LCOR: variants seen among roughly 807,000 people sequenced by gnomAD.
LCOR encodes ligand-dependent corepressor.
In LCOR, 14 loss-of-function variants were observed where a neutral mutation model predicts 64.4. That is an observed-to-expected ratio of 0.22 (90% CI 0.14 to 0.34). The LOEUF (loss-of-function observed/expected upper bound fraction) is 0.34, where lower values mean the gene tolerates loss of function less well. Among genes scored for constraint, LCOR ranks in the 10% least tolerant of loss-of-function variants. LCOR has a pLI of 1.00. For synonymous variants in LCOR, 643 were observed against 642.5 expected, an observed-to-expected ratio of 1.00 and a Z score of -0.01; for missense variants, 1,686 against 1,765.3, an observed-to-expected ratio of 0.96 and a Z score of 0.80.
At chr10:96,899,426 T>A (rs1047746000) in intron 2 of LCOR, among the ~76,000 whole-genome samples, 4 of 152,152 alleles carry the variant, frequency 2.6e-5, no homozygotes, top group African/African-American at 9.6e-5. Context: ...ATTTAAAAAA[T>A]AATATTCTTG....
chr10:96,933,585 A>G (rs1158964191), intron 4 of LCOR, among the ~76,000 whole-genome samples: 1 of 152,164 alleles, frequency 6.6e-6, no homozygotes, highest in East Asian at 1.9e-4. Flanking sequence ...GAGTGGCACG[A>G]TCTGGGCTCA....
At chr10:96,862,869 C>CTTTGT (rs1354549936) in intron 2 of LCOR, among the ~76,000 whole-genome samples, 1 of 151,096 alleles carries the variant, frequency 6.6e-6, no homozygotes, top group Non-Finnish European at 1.5e-5. Context: ...AATATGTTTT[C>CTTTGT]TTTCTTTTCT....
At chr10:96,920,384 A>ATATATATGTG (rs143044858) in intron 4 of LCOR, among the ~76,000 whole-genome samples, 5 of 146,884 alleles carry the variant, frequency 3.4e-5, no homozygotes, top group South Asian at 4.2e-4. Flanking sequence ...CTTCATTCAT[A>ATATATATGTG]TATATATGTG....
At chr10:96,833,273 G>C in intron 1 of LCOR, 133 bp from the exon 2 acceptor site, 1 of 956,284 alleles carries the variant, frequency 1.0e-6, no homozygotes, top group Non-Finnish European at 1.2e-6. Flanking sequence ...CCCGCCTCCC[G>C]GACCTTGGGC....
At chr10:96,930,673 C>A (rs907537833) in intron 4 of LCOR, among the ~76,000 whole-genome samples, 2 of 152,150 alleles carry the variant, frequency 1.3e-5, no homozygotes, top group African/African-American at 4.8e-5. Context: ...TGAATGGGTC[C>A]TCTCCAAAAT....
At chr10:96,940,403 G>A (rs1847434225) in intron 4 of LCOR, among the ~76,000 whole-genome samples, 1 of 122,180 alleles carries the variant, frequency 8.2e-6, no homozygotes, top group Non-Finnish European at 1.7e-5. Flanking sequence ...GTGGAGGGAA[G>A]GTCAGCAGAT....
intron 7 of LCOR, among the ~76,000 whole-genome samples, chr10:96,965,810 A>T (rs1261267614): frequency 1.5e-4 from 23 of 152,040 alleles, no homozygotes; most frequent in Admixed American, 1.5e-3. Flanking sequence ...CTTAATCAAG[A>T]TTTTTTAAGA....
rs1211959625 is a variant in LCOR at position 96,981,642 on chromosome 10, C to T, written c.1182C>T (p.Asn394=). 14 of 1,614,098 alleles carry T rather than the reference C, an allele frequency of 8.7e-6. No individual in the cohort carries two copies. The highest frequency in any genetic ancestry group is 1.3e-5 in the African/African-American group (1 of 74,944). The change falls in exon 8 of 8, where the codon AAC becomes AAT. Residue 394 remains asparagine, a synonymous_variant. Transcript: ENST00000421806. ...NEQDARPKQE[N]HLHSLGRNKV... ...AAGATGCAAGGCCAAAGCAAGAGAA[C>T]CATCTTCACTCTCTGGGAAGAAATA...
intron 4 of LCOR, chr10:96,915,874 AGCATCC>A: frequency 2.1e-6 from 1 of 471,544 alleles, no homozygotes; most frequent in South Asian, 1.9e-5. Flanking sequence ...TATCTCCTTT[AGCATCC>A]CCTTCAGCCT....
intron 7 of LCOR, chr10:96,956,046 G>A: frequency 1.4e-6 from 2 of 1,472,510 alleles, no homozygotes; most frequent in Non-Finnish European, 1.8e-6. Context: ...ATTTTGCATT[G>A]ACTTGTGTGT....
intron 7 of LCOR, among the ~76,000 whole-genome samples, chr10:96,977,771 A>G (rs1444719235): frequency 6.6e-6 from 1 of 152,122 alleles, no homozygotes; most frequent in Non-Finnish European, 1.5e-5. Flanking sequence ...CCCTTGGCTC[A>G]AGCGATCCTC....
chr10:96,850,257 G>A (rs1448536457), intron 2 of LCOR, among the ~76,000 whole-genome samples: 2 of 152,076 alleles, frequency 1.3e-5, no homozygotes, highest in Admixed American at 6.6e-5. Context: ...GTCATGAAGC[G>A]GAAAGATCAA....
intron 4 of LCOR, among the ~76,000 whole-genome samples, chr10:96,913,431 T>A (rs1460766610): frequency 6.6e-6 from 1 of 152,184 alleles, no homozygotes; most frequent in African/African-American, 2.4e-5. Flanking sequence ...AACGGACTGC[T>A]TCAGTGATCA....
intron 5 of LCOR, among the ~76,000 whole-genome samples, chr10:96,945,955 G>A (rs1018753879): frequency 2.6e-5 from 4 of 151,086 alleles, no homozygotes; most frequent in Admixed American, 6.6e-5. Flanking sequence ...TAAACTTTTG[G>A]GTTATAACCT....
intron 2 of LCOR, among the ~76,000 whole-genome samples, chr10:96,856,806 C>T (rs2134386521): frequency 6.6e-6 from 1 of 151,522 alleles, no homozygotes; most frequent in Non-Finnish European, 1.5e-5. Context: ...AAAGATACCT[C>T]CGTAAGGGCA....
Position 96,986,049 on chromosome 10 carries a change from A to T in LCOR, c.*915A>T, listed in dbSNP as rs1052561963. 6.0e-6 allele frequency: 1 copy of T among 167,030 alleles called. No homozygotes were observed. The highest frequency in any genetic ancestry group is 1.5e-5 in the Non-Finnish European group (1 of 68,118). 10.3% of individuals were successfully genotyped at this position (167,030 alleles called of 1,614,324 possible). ...ATGACTCTTATTTTCTTTCTTACCC[A>T]GAGTACTTCCATATTCAAAGAAAGC... is the stretch of plus-strand genomic sequence containing the variant. On this transcript the variant is annotated 3_prime_UTR_variant, in exon 8 of 8. Coordinates refer to ENST00000421806, the MANE Select transcript of LCOR (RefSeq NM_001346516.2).
chr10:96,877,598 A>ATTTTTTTTT (rs57119025), intron 2 of LCOR, among the ~76,000 whole-genome samples: 2 of 65,660 alleles, frequency 3.0e-5, no homozygotes, highest in African/African-American at 1.3e-4. Flanking sequence ...ATTTTTCTGA[A>ATTTTTTTTT]TTTTTTTTTT....
At position 96,989,695 on chromosome 10, in the gene LCOR, A is replaced by ATATATT. The variant is rs1371771053; in HGVS notation, c.*4562_*4563insATATTT. On this transcript the variant is annotated 3_prime_UTR_variant, in exon 8 of 8. Transcript: ENST00000421806. ...TAAGGATATATATATATATATATAT[A>ATATATT]TTTTTTTTTTTTTTTTTTTTTTTTA... 1.2e-5 allele frequency: 1 copy of ATATATT among 86,190 alleles called. No homozygotes were observed. Among genetic ancestry groups the ATATATT allele is most frequent in the Non-Finnish European group, 2.0e-5 (1 of 50,724 alleles). 5.3% of individuals were successfully genotyped at this position (86,190 alleles called of 1,614,324 possible).
chr10:96,872,557 C>T (rs1846089914), intron 2 of LCOR, among the ~76,000 whole-genome samples: 1 of 152,056 alleles, frequency 6.6e-6, no homozygotes, highest in Non-Finnish European at 1.5e-5. Context: ...TGGTGGTACG[C>T]ACCTGTAGTC....
Sources: allele counts gnomAD v4.1 joint callset (sites outside exome capture counted in the v4.1 genomes callset), GRCh38; gene constraint gnomAD v4.1.1; transcripts MANE v1.5; gene names NCBI Gene and HGNC (gene_info 2026-07-23, HGNC 2026-07-21).